The following FAM83D variants were observed in gnomAD, a reference collection of about 807,000 sequenced individuals.
FAM83D encodes the protein protein FAM83D.
FAM83D carries 26 observed loss-of-function variants against 25.4 expected under a neutral mutation model. The ratio of observed to expected loss-of-function variants is 1.02; its 90% CI spans 0.75 to 1.42. FAM83D has a LOEUF of 1.42. Among genes scored for constraint, FAM83D ranks in the 40% most tolerant of loss-of-function variants. The pLI is 0.00. For synonymous variants in FAM83D, 310 were observed against 318.5 expected (o/e 0.97, Z 0.28); for missense variants, 740 against 758.1 (o/e 0.98, Z 0.28).
intron 1 of FAM83D, among the ~76,000 whole-genome samples, chr20:38,938,344 G>A (rs2145803379): frequency 6.6e-6 from 1 of 152,290 alleles, no homozygotes; most frequent in Non-Finnish European, 1.5e-5. Flanking sequence ...CTGAGGGAAC[G>A]TGTCCTTTGG....
At chr20:38,927,726 T>C (rs1438801016) in intron 1 of FAM83D, among the ~76,000 whole-genome samples, 1 of 152,096 alleles carries the variant, frequency 6.6e-6, no homozygotes, top group Non-Finnish European at 1.5e-5. Flanking sequence ...CTCGAACTCC[T>C]GACCTCAGGT....
At chr20:38,930,707 G>T (rs2085655437) in intron 1 of FAM83D, among the ~76,000 whole-genome samples, 3 of 151,836 alleles carry the variant, frequency 2.0e-5, no homozygotes, top group Admixed American at 2.0e-4. Flanking sequence ...GAGTGCAGTG[G>T]CACAGTCTCA....
rs773865796 is a variant in FAM83D, at chr20:38,926,655, G to A, written c.213G>A (p.Ala71=). The part of the protein sequence containing the change: ...NPDEVHAILR[A]AERPGEEGAA... ...ATGAGGTGCACGCCATTCTGCGCGC[G>A]GCGGAGAGGCCGGGAGAGGAGGGCG... Residue 71 remains alanine (A), a synonymous_variant, in exon 1 of 4, where the codon GCG becomes GCA. Coordinates refer to ENST00000619850, the MANE Select transcript of FAM83D (RefSeq NM_030919.3). 2.0e-6 allele frequency: 3 copies of A among 1,535,766 alleles called. No individual in the cohort carries two copies. The highest frequency in any genetic ancestry group is 3.9e-5 in the Admixed American group (2 of 50,942).
chr20:38,927,053 A>G (rs1231626774), intron 1 of FAM83D, 128 bp downstream of exon 1: 2 of 1,376,544 alleles, frequency 1.5e-6, no homozygotes, highest in Non-Finnish European at 1.9e-6. Context: ...CGCGCGGGCT[A>G]GGTGGTCCCA....
chr20:38,947,813 T>C (rs1029787962), intron 2 of FAM83D, 63 bp from the exon 3 acceptor site: 30 of 1,580,618 alleles, frequency 1.9e-5, no homozygotes, highest in Non-Finnish European at 2.6e-5. Context: ...GTCCTAACCA[T>C]TTGCTCAGCA....
In FAM83D at chr20:38,951,749, G is replaced by C. The variant is rs1352720370; in HGVS notation, c.987G>C (p.Leu329=). The C allele has an allele frequency of 6.2e-7, 1 of 1,614,198 alleles. No homozygotes were observed. Among genetic ancestry groups the C allele is most frequent in the East Asian group, 2.2e-5 (1 of 44,884 alleles). ...PQSKELTLGN[L]LRMRLARLSS... ...CCAAGGAGCTCACCCTGGGCAACCT[G>C]CTGCGGATGCGGCTGGCTAGGCTGT... Residue 329 remains leucine, a synonymous_variant, in exon 4 of 4, where the codon CTG becomes CTC. Transcript: ENST00000619850.
At chr20:38,948,524 G>C (rs748596826) in intron 3 of FAM83D, among the ~76,000 whole-genome samples, 1 of 152,218 alleles carries the variant, frequency 6.6e-6, no homozygotes, top group African/African-American at 2.4e-5. Context: ...CACCTTTGAA[G>C]TGTCACATTG....
rs375911483 is a variant in FAM83D at position 38,951,815 on chromosome 20, C to T, written c.1053C>T (p.Pro351=). 12 of 1,614,052 alleles carry T rather than the reference C, an allele frequency of 7.4e-6. No individual in the cohort carries two copies. Among genetic ancestry groups the T allele is most frequent in the African/African-American group, 5.3e-5 (4 of 74,904 alleles). ...PRKADLDPEM[P]AEGKAERKPH... ...AGGCGGACCTGGACCCAGAGATGCC[C>T]GCAGAGGGCAAGGCAGAGCGCAAGC... The change falls in exon 4 of 4, where the codon CCC becomes CCT. Residue 351 remains proline, a synonymous_variant. Coordinates refer to ENST00000619850, the MANE Select transcript of FAM83D (RefSeq NM_030919.3).
At chr20:38,943,503 T>A (rs2085712175) in intron 2 of FAM83D, among the ~76,000 whole-genome samples, 1 of 152,206 alleles carries the variant, frequency 6.6e-6, no homozygotes, top group African/African-American at 2.4e-5. Context: ...CCAGTGTCTG[T>A]AATCACTATT....
At chr20:38,931,938 G>A (rs968055695) in intron 1 of FAM83D, among the ~76,000 whole-genome samples, 2 of 152,240 alleles carry the variant, frequency 1.3e-5, no homozygotes, top group Non-Finnish European at 2.9e-5. Flanking sequence ...AGTAGTTCAG[G>A]TGATTCTGTC....
Position 38,952,219 on chromosome 20 carries a change from C to A in FAM83D, c.1457C>A (p.Ser486Tyr). Residue 486 changes from serine to tyrosine, a missense_variant, in exon 4 of 4, where the codon TCT (serine) becomes TAT (tyrosine). Transcript: ENST00000619850. ...KSSSSVSSQG[S>Y]VASSTGSPAS... is the part of the protein sequence containing the mutation. ...TCCTCCTCTGTGTCTTCCCAAGGCTCTGTGGCAAGCTCCACTGGTTCTCCC... is the reference window on the plus strand; with the variant it reads ...TCCTCCTCTGTGTCTTCCCAAGGCTATGTGGCAAGCTCCACTGGTTCTCCC... 1 of 1,614,214 alleles carries A rather than the reference C, an allele frequency of 6.2e-7. No individual in the cohort carries two copies. Among genetic ancestry groups the A allele is most frequent in the Non-Finnish European group, 8.5e-7 (1 of 1,180,046 alleles).
chr20:38,947,654 G>A (rs1176543042), intron 2 of FAM83D, among the ~76,000 whole-genome samples: 1 of 152,210 alleles, frequency 6.6e-6, no homozygotes, highest in Non-Finnish European at 1.5e-5. Context: ...GAAAAGAACA[G>A]ATGAGAAGAT....
chr20:38,936,474 CT>C (rs1195035173), intron 1 of FAM83D, among the ~76,000 whole-genome samples: 1 of 152,126 alleles, frequency 6.6e-6, no homozygotes, highest in African/African-American at 2.4e-5. Flanking sequence ...CCAGCAAACA[CT>C]ATGAGATAGG....
chr20:38,935,049 C>T (rs752428190), intron 1 of FAM83D, among the ~76,000 whole-genome samples: 11 of 152,006 alleles, frequency 7.2e-5, no homozygotes, highest in Non-Finnish European at 1.3e-4. Context: ...TGTTTATATA[C>T]ACCTGTGTAT....
intron 1 of FAM83D, among the ~76,000 whole-genome samples, chr20:38,931,736 C>G (rs1401457725): frequency 2.0e-5 from 3 of 152,242 alleles, no homozygotes; most frequent in African/African-American, 7.2e-5. Context: ...GGCTTTGCAG[C>G]CTGAAGCGCT....
At chr20:38,941,897 G>A in intron 1 of FAM83D, 62 bp from the exon 2 acceptor site, 3 of 1,536,170 alleles carry the variant, frequency 2.0e-6, no homozygotes, top group Non-Finnish European at 2.7e-6. Context: ...AGAGTCCAGA[G>A]AGCGTGCTGT....
chr20:38,937,181 G>T (rs2085682556), intron 1 of FAM83D, among the ~76,000 whole-genome samples: 1 of 152,216 alleles, frequency 6.6e-6, no homozygotes, highest in Non-Finnish European at 1.5e-5. Context: ...TTGCAAATGG[G>T]TGTTGACCCT....
At chr20:38,932,302 C>T (rs990300269) in intron 1 of FAM83D, among the ~76,000 whole-genome samples, 1 of 152,226 alleles carries the variant, frequency 6.6e-6, no homozygotes, top group African/African-American at 2.4e-5. Context: ...AGGAGGATTA[C>T]TTGAGCCCAG....
chr20:38,951,572 T>A lies in FAM83D; in HGVS notation c.810T>A (p.Ser270Arg). ...FTWTDGKLNS[S>R]NLVILSGQVV... is the part of the protein sequence containing the mutation. ...GGACGGATGGCAAATTAAACAGCAG[T>A]AACTTGGTAATTCTGTCTGGCCAAG... Residue 270 changes from serine (S) to arginine (R), a missense_variant, in exon 4 of 4, where the codon AGT (serine) becomes AGA (arginine). Physicochemically the swap from Ser to Arg is moderately radical, Grantham distance 110. This residue lies in a region of FAM83D where 375 missense variants were observed against 403.2 expected (regional missense o/e 0.93). Coordinates refer to ENST00000619850, the MANE Select transcript of FAM83D (RefSeq NM_030919.3). The A allele has an allele frequency of 6.2e-7, 1 of 1,613,996 alleles. No individual in the cohort carries two copies. The highest frequency in any genetic ancestry group is 2.2e-5 in the East Asian group (1 of 44,882).
Sources: allele counts gnomAD v4.1 joint callset (sites outside exome capture counted in the v4.1 genomes callset), GRCh38; gene constraint gnomAD v4.1.1; regional missense constraint gnomAD v4.1.1; transcripts MANE v1.5; gene names NCBI Gene and HGNC (gene_info 2026-07-23, HGNC 2026-07-21).